Variants in PTPRC observed in about 807,000 individuals in gnomAD.
PTPRC encodes receptor-type tyrosine-protein phosphatase C.
Under a neutral mutation model 155.9 loss-of-function variants are expected in PTPRC, and 44 were observed. The ratio of observed to expected loss-of-function variants is 0.28; its 90% CI spans 0.22 to 0.36. PTPRC has a LOEUF of 0.36. PTPRC is among the 10% of genes least tolerant of loss of function. PTPRC has a pLI of 1.00. For synonymous variants in PTPRC, 525 were observed against 533.1 expected (o/e 0.98, Z 0.21); for missense variants, 1,401 against 1,564.6 (o/e 0.90, Z 1.76).
chr1:198,674,212 T>C (rs1206286870), intron 2 of PTPRC, among the ~76,000 whole-genome samples: 1 of 152,198 alleles, frequency 6.6e-6, no homozygotes, highest in Non-Finnish European at 1.5e-5. Context: ...CGGCATCTGA[T>C]GCTCATCACT....
At chr1:198,683,794 CAT>C (rs1665468368) in intron 2 of PTPRC, among the ~76,000 whole-genome samples, 1 of 152,038 alleles carries the variant, frequency 6.6e-6, no homozygotes, top group African/African-American at 2.4e-5. Context: ...GTTACACACA[CAT>C]AAATATACAT....
rs968068509 is a variant in PTPRC, at chr1:198,756,128, C to T, written c.3868C>T (p.Pro1290Ser). 2 of 1,613,308 alleles carry T rather than the reference C, an allele frequency of 1.2e-6. No individual in the cohort carries two copies. Among genetic ancestry groups the T allele is most frequent in the Non-Finnish European group, 1.7e-6 (2 of 1,179,602 alleles). The part of the protein sequence containing the change: ...GSEPTSGTEG[P>S]EHSVNGPASP... ...TGAACCCACGAGTGGCACTGAGGGG[C>T]CAGAACATTCTGTCAATGGTCCTGC... The change falls in exon 33 of 33, where the codon CCA (proline) becomes TCA (serine). Residue 1290 changes from proline to serine, a missense_variant. Around this residue, in one of 3 missense-constraint regions of PTPRC, gnomAD observed 400 missense variants for 389.5 expected, o/e 1.03. Transcript: ENST00000442510.
intron 2 of PTPRC, among the ~76,000 whole-genome samples, chr1:198,644,783 T>G (rs1662846901): frequency 6.6e-6 from 1 of 151,798 alleles, no homozygotes; most frequent in African/African-American, 2.4e-5. Context: ...AAATTATCAG[T>G]TTTTATTAGA....
intron 13 of PTPRC, 38 bp downstream of exon 13, chr1:198,716,878 T>G: frequency 6.3e-7 from 1 of 1,595,296 alleles, no homozygotes; most frequent in African/African-American, 1.3e-5. Flanking sequence ...CCATAAATGG[T>G]AAAAAGCAAG....
intron 29 of PTPRC, 30 bp downstream of exon 29, chr1:198,750,656 C>A (rs756727688): frequency 6.2e-7 from 1 of 1,608,840 alleles, no homozygotes; most frequent in Non-Finnish European, 8.5e-7. Context: ...TTCTTTTAAG[C>A]CTTTCTGTCA....
intron 2 of PTPRC, among the ~76,000 whole-genome samples, chr1:198,654,615 C>T (rs1382947626): frequency 6.6e-6 from 1 of 151,702 alleles, no homozygotes; most frequent in Non-Finnish European, 1.5e-5. Flanking sequence ...AATTTGGCCC[C>T]TCCCTCCCCT....
chr1:198,707,649 A>G lies in PTPRC; in HGVS notation c.905-484A>G, dbSNP rs561885590. Among the ~76,000 whole-genome samples the G allele has an allele frequency of 2.3e-4, 35 of 152,334 alleles. No homozygotes were observed. In the South Asian group the frequency reaches 6.6e-3, roughly 29 times the overall value. On this transcript the variant is annotated intron_variant, in intron 9 of 32. Transcript: ENST00000442510. Reference sequence around the variant, plus strand: ...AAAATAAAATCCATTTAATTTATTCATTTTCCCTAAATATTACTGAGATAA... The same window carrying G: ...AAAATAAAATCCATTTAATTTATTCGTTTTCCCTAAATATTACTGAGATAA...
intron 14 of PTPRC, 78 bp downstream of exon 14, chr1:198,718,380 G>A (rs950072726): frequency 8.5e-7 from 1 of 1,178,606 alleles, no homozygotes; most frequent in Admixed American, 2.0e-5. Context: ...ATAACTTTAA[G>A]ACCACTGCTC....
At chr1:198,715,047 T>A (rs921507334) in intron 12 of PTPRC, among the ~76,000 whole-genome samples, 3 of 152,162 alleles carry the variant, frequency 2.0e-5, no homozygotes, top group African/African-American at 4.8e-5. Flanking sequence ...GTTCATATGA[T>A]GAAACTGAGG....
At chr1:198,706,322 A>G (rs563460653) in intron 8 of PTPRC, among the ~76,000 whole-genome samples, 83 of 152,370 alleles carry the variant, frequency 5.4e-4, no homozygotes, top group Admixed American at 1.6e-3. Context: ...CGTTTTAGAA[A>G]ACAAGAAAAT....
intron 2 of PTPRC, among the ~76,000 whole-genome samples, chr1:198,668,864 A>G (rs971738245): frequency 6.6e-6 from 1 of 152,208 alleles, no homozygotes; most frequent in African/African-American, 2.4e-5. Context: ...AAGAGAGCAT[A>G]AGAAAACCCC....
chr1:198,734,400 T>C lies in PTPRC; in HGVS notation c.2252T>C (p.Val751Ala), dbSNP rs1464440498. The C allele has an allele frequency of 2.5e-6, 4 of 1,610,966 alleles. No individual in the cohort carries two copies. The Admixed American group carries it at 5.0e-5, about 20-fold the overall frequency. The change falls in exon 22 of 33, where the codon GTC becomes GCC. Residue 751 changes from valine to alanine, a missense_variant. Around this residue, in one of 3 missense-constraint regions of PTPRC, gnomAD observed 867 missense variants for 970.4 expected, o/e 0.89. Coordinates refer to ENST00000442510, the MANE Select transcript of PTPRC (RefSeq NM_002838.5). ...CAGAAAGCCACAGTTATTGTCATGGTCACTCGATGTGAAGAAGGAAACAGG... is the reference window on the plus strand; with the variant it reads ...CAGAAAGCCACAGTTATTGTCATGGCCACTCGATGTGAAGAAGGAAACAGG... The part of the protein sequence containing the change: ...WEQKATVIVM[V>A]TRCEEGNRNK...
chr1:198,756,314 T>C lies in PTPRC; in HGVS notation c.*133T>C, dbSNP rs1571900451. On this transcript the variant is annotated 3_prime_UTR_variant, in exon 33 of 33. Transcript: ENST00000442510. ...AACCAATATTTGTAGAAGGGTTATATTTTACTACTGTGGAAAAATATTTAA... is the reference window on the plus strand; with the variant it reads ...AACCAATATTTGTAGAAGGGTTATACTTTACTACTGTGGAAAAATATTTAA... The C allele has an allele frequency of 1.7e-6, 2 of 1,156,808 alleles. No homozygotes were observed. Among genetic ancestry groups the C allele is most frequent in the Non-Finnish European group, 2.5e-6 (2 of 813,198 alleles). 71.7% of individuals were successfully genotyped at this position (1,156,808 alleles called of 1,614,324 possible).
At chr1:198,668,070 G>A (rs1299314096) in intron 2 of PTPRC, among the ~76,000 whole-genome samples, 1 of 152,194 alleles carries the variant, frequency 6.6e-6, no homozygotes, top group Non-Finnish European at 1.5e-5. Flanking sequence ...GTAGAATAAT[G>A]ATTGTTAGAG....
rs1257625252 is a variant in PTPRC, at chr1:198,646,075, A to G, written c.73+6734A>G. 1.3e-5 allele frequency among the ~76,000 whole-genome samples: 2 copies of G among 151,844 alleles called. 1 individual carries two copies. The highest frequency in any genetic ancestry group is 3.9e-4 in the East Asian group (2 of 5,170). ...CAACTTTTATGAAAACAAATATTTA[A>G]TTAGAATATACCAACATTTATGAGT... On this transcript the variant is annotated intron_variant, in intron 2 of 32. Transcript: ENST00000442510.
Position 198,718,227 on chromosome 1 carries a change from G to A in PTPRC, c.1584G>A (p.Leu528=), listed in dbSNP as rs148497366. ...YHLEVEAGNT[L]VRNESHKNCD... ...TGGAAGTTGAAGCTGGAAATACTCT[G>A]GTTAGAAATGAGTCGCATAAGAATT... Residue 528 remains leucine (L), a synonymous_variant, in exon 14 of 33, where the codon CTG becomes CTA. Transcript: ENST00000442510. 1.5e-4 allele frequency: 247 copies of A among 1,614,016 alleles called. No homozygotes were observed. In the African/African-American group the frequency reaches 3.0e-3, roughly 20 times the overall value.
chr1:198,656,251 A>G (rs1424433409), intron 2 of PTPRC, among the ~76,000 whole-genome samples: 1 of 152,120 alleles, frequency 6.6e-6, no homozygotes, highest in African/African-American at 2.4e-5. Context: ...TTGAAAGATT[A>G]ACAGGGACTT....
intron 2 of PTPRC, among the ~76,000 whole-genome samples, chr1:198,649,590 G>A (rs1321441899): frequency 6.6e-6 from 1 of 151,768 alleles, no homozygotes; most frequent in African/African-American, 2.4e-5. Context: ...TTCCATTCCA[G>A]TTTCATCATT....
At position 198,732,287 on chromosome 1, in the gene PTPRC, T is replaced by C. The variant is rs1251803291; in HGVS notation, c.1975-13T>C. The C allele has an allele frequency of 5.6e-6, 9 of 1,601,308 alleles. No individual in the cohort carries two copies. In the Admixed American group the frequency reaches 1.3e-4, roughly 24 times the overall value. Reference sequence around the variant, plus strand: ...GAATCTGCTGTGATCCAAGAAATCGTTGTTTCTTTCAGAGCATCCCGCGGG... The same window carrying C: ...GAATCTGCTGTGATCCAAGAAATCGCTGTTTCTTTCAGAGCATCCCGCGGG... On this transcript the variant is annotated splice_polypyrimidine_tract_variant and intron_variant, in intron 18 of 32. Coordinates refer to ENST00000442510, the MANE Select transcript of PTPRC (RefSeq NM_002838.5).
Sources: gnomAD v4.1 joint callset for allele counts (sites outside exome capture counted in the v4.1 genomes callset) on GRCh38, gnomAD v4.1.1 for gene constraint, gnomAD v4.1.1 regional missense constraint, MANE v1.5 for transcripts, NCBI Gene and HGNC (gene_info 2026-07-23, HGNC 2026-07-21) for gene names.